Variants in CADM2 observed in about 807,000 individuals in gnomAD.
CADM2 encodes the protein cell adhesion molecule 2.
CADM2 carries 12 observed loss-of-function variants against 49.8 expected under a neutral mutation model. The ratio of observed to expected loss-of-function variants is 0.24; its 90% CI spans 0.15 to 0.39. The LOEUF is 0.39. CADM2 is among the 10% of genes least tolerant of loss of function. The pLI is 1.00. For synonymous variants in CADM2, 214 were observed against 175.4 expected (o/e 1.22, Z -1.74); for missense variants, 378 against 492.3 (o/e 0.77, Z 2.20).
intron 1 of CADM2, among the ~76,000 whole-genome samples, chr3:85,250,801 A>G (rs2042754872): frequency 6.6e-6 from 1 of 151,762 alleles, no homozygotes; most frequent in South Asian, 2.1e-4. Flanking sequence ...GATAATACTT[A>G]TTTATGAATA....
chr3:85,310,641 G>A lies in CADM2; in HGVS notation c.61+350973G>A, dbSNP rs78111337. ...AGCAAATATGTTCTGGAAAGCTAAA[G>A]GGAGCATGGGAAAAAAGGTTTATGC... On this transcript the variant is annotated intron_variant, in intron 1 of 9. Coordinates refer to ENST00000383699, the MANE Select transcript of CADM2 (RefSeq NM_001167675.2). 7.3e-3 allele frequency among the ~76,000 whole-genome samples: 1,108 copies of A among 152,246 alleles called. 11 individuals are homozygous for A. The highest frequency in any genetic ancestry group is 0.025 in the African/African-American group (1,055 of 41,538).
intron 1 of CADM2, among the ~76,000 whole-genome samples, chr3:85,054,371 T>G (rs963322834): frequency 1.3e-5 from 2 of 151,868 alleles, no homozygotes; most frequent in African/African-American, 4.8e-5. Flanking sequence ...AATGAAGACT[T>G]CAATGAACTG....
intron 1 of CADM2, among the ~76,000 whole-genome samples, chr3:85,470,357 T>A (rs1250083325): frequency 6.6e-6 from 1 of 152,148 alleles, no homozygotes. Context: ...AGACAGGATG[T>A]TGGGATAGCT....
chr3:85,494,297 A>C (rs2039795950), intron 1 of CADM2, among the ~76,000 whole-genome samples: 1 of 152,214 alleles, frequency 6.6e-6, no homozygotes, highest in South Asian at 2.1e-4. Flanking sequence ...AAAACATCAC[A>C]GTCAAAATAT....
intron 1 of CADM2, among the ~76,000 whole-genome samples, chr3:85,230,197 C>T (rs2042255069): frequency 6.7e-6 from 1 of 149,756 alleles, no homozygotes; most frequent in African/African-American, 2.6e-5. Flanking sequence ...AATCTCAGCA[C>T]AGGCATATGG....
At chr3:85,838,587 T>C (rs2074503889) in intron 3 of CADM2, among the ~76,000 whole-genome samples, 1 of 151,878 alleles carries the variant, frequency 6.6e-6, no homozygotes, top group Non-Finnish European at 1.5e-5. Flanking sequence ...GGGGAGGACC[T>C]TAACTTAATC....
chr3:85,817,725 C>T (rs2073298674), intron 3 of CADM2, among the ~76,000 whole-genome samples: 1 of 152,106 alleles, frequency 6.6e-6, no homozygotes, highest in Non-Finnish European at 1.5e-5. Context: ...TCAGTTCCAG[C>T]TTGTAAACCT....
At chr3:85,627,846 A>G (rs1413065644) in intron 1 of CADM2, among the ~76,000 whole-genome samples, 1 of 152,046 alleles carries the variant, frequency 6.6e-6, no homozygotes, top group Non-Finnish European at 1.5e-5. Flanking sequence ...CAAGGTAGAG[A>G]ATTGGACAAC....
chr3:85,566,012 C>T (rs1026131199), intron 1 of CADM2, among the ~76,000 whole-genome samples: 9 of 152,002 alleles, frequency 5.9e-5, no homozygotes, highest in African/African-American at 1.9e-4. Context: ...TTCTCTAAGT[C>T]TCACTAGGGT....
At chr3:85,213,963 A>C (rs2041864623) in intron 1 of CADM2, among the ~76,000 whole-genome samples, 1 of 152,106 alleles carries the variant, frequency 6.6e-6, no homozygotes, top group Non-Finnish European at 1.5e-5. Flanking sequence ...AAGAATCTGA[A>C]TTCCTTCTCT....
chr3:85,154,482 CG>C (rs2040038112), intron 1 of CADM2, among the ~76,000 whole-genome samples: 1 of 152,082 alleles, frequency 6.6e-6, no homozygotes, highest in South Asian at 2.1e-4. Flanking sequence ...TTGAAAGTGA[CG>C]GGGAGAATGG....
At chr3:85,955,376 G>T (rs1170062321) in intron 7 of CADM2, among the ~76,000 whole-genome samples, 1 of 151,400 alleles carries the variant, frequency 6.6e-6, no homozygotes, top group Non-Finnish European at 1.5e-5. Context: ...GTTTAACTCT[G>T]TCCCTTTCCA....
chr3:85,180,983 A>T (rs183959747), intron 1 of CADM2, among the ~76,000 whole-genome samples: 2 of 152,306 alleles, frequency 1.3e-5, no homozygotes, highest in East Asian at 3.9e-4. Flanking sequence ...AATTGTTAAG[A>T]GGAAAAACAG....
At chr3:86,014,954 A>G in intron 8 of CADM2, 2 of 1,420,910 alleles carry the variant, frequency 1.4e-6, no homozygotes, top group Admixed American at 1.7e-5. Flanking sequence ...GTCTTAAAGC[A>G]TATTTAAGGA....
intron 1 of CADM2, among the ~76,000 whole-genome samples, chr3:85,488,530 G>T (rs564392394): frequency 6.6e-6 from 1 of 151,716 alleles, no homozygotes; most frequent in Non-Finnish European, 1.5e-5. Flanking sequence ...TTTTTGTTTT[G>T]TTTTGTTTTG....
chr3:85,174,487 T>A (rs2107690770), intron 1 of CADM2, among the ~76,000 whole-genome samples: 1 of 150,964 alleles, frequency 6.6e-6, no homozygotes, highest in Non-Finnish European at 1.5e-5. Context: ...TCTTATGTTT[T>A]CAGCTGACTT....
intron 1 of CADM2, among the ~76,000 whole-genome samples, chr3:85,011,916 A>G (rs2034013215): frequency 6.6e-6 from 1 of 152,142 alleles, no homozygotes; most frequent in South Asian, 2.1e-4. Flanking sequence ...GTATGAAACC[A>G]TGACATGTGC....
chr3:85,990,962 A>C (rs780381254), intron 8 of CADM2, among the ~76,000 whole-genome samples: 17 of 152,220 alleles, frequency 1.1e-4, no homozygotes, highest in East Asian at 5.8e-4. Context: ...GAGAACCAGT[A>C]GGTAGAGAAA....
At chr3:85,310,709 G>GT (rs1039825717) in intron 1 of CADM2, among the ~76,000 whole-genome samples, 29 of 152,090 alleles carry the variant, frequency 1.9e-4, no homozygotes, top group African/African-American at 6.5e-4. Flanking sequence ...AAATAGAGTG[G>GT]TTTTTTCTGT....
Sources: allele counts gnomAD v4.1 joint callset (sites outside exome capture counted in the v4.1 genomes callset), GRCh38; gene constraint gnomAD v4.1.1; transcripts MANE v1.5; gene names NCBI Gene and HGNC (gene_info 2026-07-23, HGNC 2026-07-21).